Variants in CACNA2D2 observed in about 807,000 individuals in gnomAD.
CACNA2D2 encodes the protein calcium voltage-gated channel auxiliary subunit alpha2delta 2, also known as voltage-dependent calcium channel subunit alpha-2/delta-2.
CACNA2D2 carries 48 observed loss-of-function variants against 166.4 expected under a neutral mutation model. The observed-to-expected ratio is 0.29, with a 90% CI of 0.23 to 0.37. CACNA2D2 has a LOEUF of 0.37. Ranked by LOEUF, CACNA2D2 falls within the 10% of genes least tolerant of loss-of-function variation. The pLI is 1.00. For missense variants in CACNA2D2, 1,122 were observed against 1,433.0 expected, an observed-to-expected ratio of 0.78 and a Z score of 3.50; for synonymous variants, 561 against 573.7, an observed-to-expected ratio of 0.98 and a Z score of 0.32.
chr3:50,476,179 C>T lies in CACNA2D2; in HGVS notation c.227G>A (p.Arg76His), dbSNP rs369847313. The T allele has an allele frequency of 3.2e-5, 51 of 1,596,950 alleles. No individual in the cohort carries two copies. The South Asian group carries it at 4.4e-4, about 14-fold the overall frequency. ...CACGCCGTCGACCTCCTGCTCCAGA[C>T]GCCGGGCCCAGTGCTGCATCCTGTA... is the stretch of plus-strand genomic sequence containing the variant. ...QQHTMQHWAR[R>H]LEQEVDGVMR... Residue 76 changes from arginine to histidine, a missense_variant, in exon 2 of 38, where the codon CGT (arginine) becomes CAT (histidine). Coordinates refer to ENST00000424201, the MANE Select transcript of CACNA2D2 (RefSeq NM_006030.4).
Position 50,365,728 on chromosome 3 carries a change from G to C in CACNA2D2, c.2916-40C>G. ...GAGCCGAGTGCAGGTGGTCAGCAGA[G>C]GACGATGCCATGCCCTACTTCTCTT... On this transcript the variant is annotated intron_variant, in intron 33 of 37. Coordinates refer to ENST00000424201, the MANE Select transcript of CACNA2D2 (RefSeq NM_006030.4). The surrounding 1 kb of genome is among the most constrained non-coding windows in gnomAD (Gnocchi z 4.5). The C allele has an allele frequency of 6.2e-7, 1 of 1,602,080 alleles. No individual in the cohort carries two copies. The highest frequency in any genetic ancestry group is 8.5e-7 in the Non-Finnish European group (1 of 1,174,560).
intron 2 of CACNA2D2, among the ~76,000 whole-genome samples, chr3:50,436,590 T>G (rs1708360899): frequency 6.6e-6 from 1 of 152,206 alleles, no homozygotes; most frequent in Non-Finnish European, 1.5e-5. Flanking sequence ...TCTCTGAACC[T>G]CCGTGACTGA....
At chr3:50,385,101 C>T (rs1470606480) in intron 5 of CACNA2D2, among the ~76,000 whole-genome samples, 1 of 152,206 alleles carries the variant, frequency 6.6e-6, no homozygotes. Flanking sequence ...CGCCCACCAT[C>T]ACAGGCTGGC....
At chr3:50,369,476 T>TA (rs1282254873) in intron 23 of CACNA2D2, among the ~76,000 whole-genome samples, 1 of 152,332 alleles carries the variant, frequency 6.6e-6, no homozygotes, top group East Asian at 1.9e-4. Context: ...GACTCACAAA[T>TA]ACACACATCT....
chr3:50,469,290 TC>T (rs1275842747), intron 2 of CACNA2D2, among the ~76,000 whole-genome samples: 1 of 152,174 alleles, frequency 6.6e-6, no homozygotes, highest in East Asian at 1.9e-4. Context: ...TCCCTGGATT[TC>T]CGGCCAAAGA....
At chr3:50,381,803 G>A (rs763281170) in intron 6 of CACNA2D2, among the ~76,000 whole-genome samples, 1 of 151,958 alleles carries the variant, frequency 6.6e-6, no homozygotes, top group African/African-American at 2.4e-5. Flanking sequence ...CACCTGCCTA[G>A]CACCCCAGCT....
chr3:50,494,860 G>C (rs1007723150), intron 1 of CACNA2D2, among the ~76,000 whole-genome samples: 1 of 152,038 alleles, frequency 6.6e-6, no homozygotes, highest in East Asian at 1.9e-4. Flanking sequence ...TTTTTTTGTA[G>C]AGATGGGGTT....
At chr3:50,462,975 G>C (rs1378019584) in intron 2 of CACNA2D2, among the ~76,000 whole-genome samples, 1 of 152,152 alleles carries the variant, frequency 6.6e-6, no homozygotes, top group African/African-American at 2.4e-5. Flanking sequence ...CAGGGACAGG[G>C]GACTGACTGC....
intron 2 of CACNA2D2, among the ~76,000 whole-genome samples, chr3:50,467,233 T>C (rs142291465): frequency 5.1e-4 from 78 of 152,298 alleles, no homozygotes; most frequent in African/African-American, 1.8e-3. Flanking sequence ...TCCTCTCCAC[T>C]GCTGCTGGGC....
chr3:50,373,607 G>A (rs1217544110), intron 22 of CACNA2D2, among the ~76,000 whole-genome samples: 1 of 108,300 alleles, frequency 9.2e-6, no homozygotes, highest in African/African-American at 4.1e-5. Context: ...AGTGTGGGGA[G>A]TGGGACTGAA....
intron 1 of CACNA2D2, among the ~76,000 whole-genome samples, chr3:50,492,887 G>A (rs1450887070): frequency 6.6e-6 from 1 of 152,104 alleles, no homozygotes; most frequent in Non-Finnish European, 1.5e-5. Context: ...TTGGACCCGA[G>A]CACTAGGGGG....
intron 2 of CACNA2D2, among the ~76,000 whole-genome samples, chr3:50,468,201 T>C (rs1259781880): frequency 1.3e-5 from 2 of 152,202 alleles, no homozygotes; most frequent in Admixed American, 6.5e-5. Context: ...CCTCCGGCTC[T>C]GGACATGGCA....
At chr3:50,400,427 GT>G (rs1237888936) in intron 3 of CACNA2D2, among the ~76,000 whole-genome samples, 1 of 152,272 alleles carries the variant, frequency 6.6e-6, no homozygotes, top group Admixed American at 6.5e-5. Flanking sequence ...GAGGCTTTGT[GT>G]GGACAGACAG....
chr3:50,493,290 T>C (rs189195756), intron 1 of CACNA2D2, among the ~76,000 whole-genome samples: 2 of 152,310 alleles, frequency 1.3e-5, no homozygotes, highest in Admixed American at 6.5e-5. Context: ...CACAGTGTAC[T>C]GTTTAGATTG....
chr3:50,377,373 A>AT, intron 17 of CACNA2D2, 94 bp downstream of exon 17: 1 of 1,017,176 alleles, frequency 9.8e-7, no homozygotes, highest in Non-Finnish European at 1.5e-6. Flanking sequence ...AGAGGTCTCC[A>AT]TGGAGGCGCT....
In CACNA2D2 at chr3:50,476,165, C is replaced by G; in HGVS notation, c.241G>C (p.Val81Leu). 6.2e-7 allele frequency: 1 copy of G among 1,601,528 alleles called. No homozygotes were observed. The highest frequency in any genetic ancestry group is 8.5e-7 in the Non-Finnish European group (1 of 1,174,800). Residue 81 changes from valine to leucine, a missense_variant, in exon 2 of 38, where the codon GTC (valine) becomes CTC (leucine). Coordinates refer to ENST00000424201, the MANE Select transcript of CACNA2D2 (RefSeq NM_006030.4). Reference protein sequence around the residue: ...QHWARRLEQEVDGVMRIFGGV... With the variant: ...QHWARRLEQELDGVMRIFGGV... ...CCAAAAATCCGCATCACGCCGTCGA[C>G]CTCCTGCTCCAGACGCCGGGCCCAG...
Position 50,363,528 on chromosome 3 carries a change from G to A in CACNA2D2, c.*1138C>T, listed in dbSNP as rs150893930. The A allele has an allele frequency of 1.7e-3, 619 of 363,978 alleles. 1 individual carries two copies. Among genetic ancestry groups the A allele is most frequent in the South Asian group, 2.4e-3 (16 of 6,740 alleles). 22.5% of individuals were successfully genotyped at this position (363,978 alleles called of 1,614,324 possible). ...GGGACAGTTTGGCCTCCTGCAAGCA[G>A]GGAGTGTGTGTGTAGGGGTGGGAAG... On this transcript the variant is annotated 3_prime_UTR_variant, in exon 38 of 38. Coordinates refer to ENST00000424201, the MANE Select transcript of CACNA2D2 (RefSeq NM_006030.4).
At position 50,364,939 on chromosome 3, in the gene CACNA2D2, C is replaced by G. The variant is rs1435927425; in HGVS notation, c.3240G>C (p.Gln1080His). 2 of 1,613,156 alleles carry G rather than the reference C, an allele frequency of 1.2e-6. No homozygotes were observed. Among genetic ancestry groups the G allele is most frequent in the African/African-American group, 1.3e-5 (1 of 74,908 alleles). ...GCGGGCCTCTCCGGTATCGCGGTCT[C>G]TGCACTAGCTCACACTGCTCCGGGC... ...SDGPEQCELV[Q>H]RPRYRRGPHI... The change falls in exon 37 of 38, where the codon CAG becomes CAC. Residue 1080 changes from glutamine (Q) to histidine (H), a missense_variant. By Grantham distance (24) the Gln-to-His change is conservative. Coordinates refer to ENST00000424201, the MANE Select transcript of CACNA2D2 (RefSeq NM_006030.4).
At chr3:50,426,053 C>T (rs535016925) in intron 3 of CACNA2D2, among the ~76,000 whole-genome samples, 2 of 152,188 alleles carry the variant, frequency 1.3e-5, no homozygotes, top group Non-Finnish European at 2.9e-5. Flanking sequence ...CTCCCCTGGC[C>T]TTCCCCTTTG....
Sources: gnomAD v4.1 joint callset for allele counts (sites outside exome capture counted in the v4.1 genomes callset) on GRCh38, gnomAD v4.1.1 for gene constraint, Gnocchi (gnomAD v3.1) non-coding constraint, MANE v1.5 for transcripts, NCBI Gene and HGNC (gene_info 2026-07-23, HGNC 2026-07-21) for gene names.